POGLUT3: variants seen among roughly 807,000 people sequenced by gnomAD.
The protein encoded by POGLUT3 is protein O-glucosyltransferase 3, also known as KDEL (Lys-Asp-Glu-Leu) containing 2.
A neutral mutation model predicts 54.3 loss-of-function variants in POGLUT3; 48 were observed. The ratio of observed to expected loss-of-function variants is 0.88; its 90% CI spans 0.70 to 1.12. The LOEUF (loss-of-function observed/expected upper bound fraction) is 1.12. POGLUT3 is among the 50% of genes most tolerant of loss of function. POGLUT3 has a pLI of 0.00. For missense variants in POGLUT3, 629 were observed against 618.7 expected, an observed-to-expected ratio of 1.02 and a Z score of -0.18; for synonymous variants, 218 against 237.4, an observed-to-expected ratio of 0.92 and a Z score of 0.75.
Position 108,486,461 on chromosome 11 carries a change from A to G in POGLUT3, c.401-21T>C, listed in dbSNP as rs1645386374. 4 of 1,609,134 alleles carry G rather than the reference A, an allele frequency of 2.5e-6. No individual in the cohort carries two copies. The East Asian group carries it at 8.9e-5, about 36-fold the overall frequency. ...TGGTCCTAGGGAAGGAAAACATGAA[A>G]AAGGCCGCACTCCATTAGCAAGCAC... is the stretch of plus-strand genomic sequence containing the variant. On this transcript the variant is annotated intron_variant, in intron 2 of 7. Coordinates refer to ENST00000323468, the MANE Select transcript of POGLUT3 (RefSeq NM_153705.5).
At chr11:108,496,896 A>G (rs2093623215) in intron 1 of POGLUT3, among the ~76,000 whole-genome samples, 1 of 152,156 alleles carries the variant, frequency 6.6e-6, no homozygotes, top group Non-Finnish European at 1.5e-5. Flanking sequence ...AAATTACAGT[A>G]CTTATTTTCC....
chr11:108,479,525 C>CT, intron 5 of POGLUT3, 30 bp from the exon 6 acceptor site: 1 of 1,523,220 alleles, frequency 6.6e-7, no homozygotes, highest in East Asian at 2.3e-5. Context: ...CATAAACAAA[C>CT]TTTCAGTAGT....
At chr11:108,484,390 A>T (rs1452602997) in intron 3 of POGLUT3, among the ~76,000 whole-genome samples, 1 of 152,174 alleles carries the variant, frequency 6.6e-6, no homozygotes, top group African/African-American at 2.4e-5. Context: ...ACTGCTATTT[A>T]AAGTAAGAAC....
intron 7 of POGLUT3, 87 bp from the exon 8 acceptor site, chr11:108,475,039 C>T: frequency 7.2e-7 from 1 of 1,394,478 alleles, no homozygotes; most frequent in Non-Finnish European, 9.9e-7. Context: ...GCAGTCACGC[C>T]ATCTTTTCTA....
Position 108,482,004 on chromosome 11 carries a change from A to T in POGLUT3, c.901+2T>A, listed in dbSNP as rs764107742. The T allele has an allele frequency of 2.5e-6, 4 of 1,605,844 alleles. No homozygotes were observed. The Admixed American group carries it at 6.7e-5, about 27-fold the overall frequency. ...TAATTAGCCTTGCATTTCCCTGAAT[A>T]CCTGTATTTCCCTGAATAGAGAGGA... On this transcript the variant is annotated splice_donor_variant, in intron 4 of 7. Transcript: ENST00000323468. LOFTEE classifies it high-confidence loss of function.
rs373889139 is a variant in POGLUT3 at position 108,490,980 on chromosome 11, A to G, written c.390T>C (p.Tyr130=). ...YGDEHVAQSP[Y]ILKGPVYHEY... ...ATAATAATCACTTACCTTTCAAAAT[A>G]TAGGGAGACTGAGCCACATGTTCAT... The change falls in exon 2 of 8, where the codon TAT becomes TAC. Residue 130 remains tyrosine, a synonymous_variant. Transcript: ENST00000323468. 23 of 1,613,622 alleles carry G rather than the reference A, an allele frequency of 1.4e-5. No individual in the cohort carries two copies. The African/African-American group carries it at 2.3e-4, about 16-fold the overall frequency.
chr11:108,477,141 C>T (rs918599514), intron 7 of POGLUT3, among the ~76,000 whole-genome samples: 2 of 152,174 alleles, frequency 1.3e-5, no homozygotes, highest in Non-Finnish European at 2.9e-5. Flanking sequence ...GTGGCTCACA[C>T]CTGTATCCCA....
In POGLUT3 at chr11:108,479,575, C is replaced by T. The variant is rs77000923; in HGVS notation, c.1099-80G>A. 9.7e-4 allele frequency: 933 copies of T among 959,824 alleles called. 11 individuals carry two copies. The African/African-American group carries it at 0.014, about 14-fold the overall frequency. The allele number at this position is 959,824 out of a possible 1,614,324, so 59.5% of individuals were successfully genotyped here. Reference sequence around the variant, plus strand: ...CTGCTCCTCATCAACACTGTAATACCAACTACAGAGGAATTATTTTCCATT... The same window carrying T: ...CTGCTCCTCATCAACACTGTAATACTAACTACAGAGGAATTATTTTCCATT... On this transcript the variant is annotated intron_variant, in intron 5 of 7. Transcript: ENST00000323468.
chr11:108,475,569 G>C (rs1193953225), intron 7 of POGLUT3, among the ~76,000 whole-genome samples: 2 of 145,848 alleles, frequency 1.4e-5, no homozygotes, highest in Non-Finnish European at 3.0e-5. Flanking sequence ...CTAGGCTCAA[G>C]TGATCCTTAC....
At chr11:108,479,883 G>T (rs1032347249) in intron 5 of POGLUT3, among the ~76,000 whole-genome samples, 2 of 151,974 alleles carry the variant, frequency 1.3e-5, no homozygotes, top group Non-Finnish European at 2.9e-5. Context: ...ACCCAGGCTG[G>T]AGTGTAGCGG....
chr11:108,488,279 T>C (rs7104703), intron 2 of POGLUT3, among the ~76,000 whole-genome samples: 151,986 of 152,332 alleles, frequency 1, 75,820 homozygotes, highest in Middle Eastern at 1. Flanking sequence ...CCTGCTTCGG[T>C]CTCCCAAAGT....
rs1565746965 is a variant in POGLUT3, at chr11:108,481,336, T to G, written c.942A>C (p.Arg314Ser). 1 of 1,597,230 alleles carries G rather than the reference T, an allele frequency of 6.3e-7. No homozygotes were observed. The highest frequency in any genetic ancestry group is 1.8e-5 in the Admixed American group (1 of 55,452). The change falls in exon 5 of 8, where the codon AGA (arginine) becomes AGC (serine). Residue 314 changes from arginine (R) to serine (S), a missense_variant. Coordinates refer to ENST00000323468, the MANE Select transcript of POGLUT3 (RefSeq NM_153705.5). ...WINKTERAFF[R>S]GRDSREERLQ... ...GCCTCTCCTCTCGGCTGTCTCTACCTCTGAAGAAAGCTCTCTCTGTTTTAT... is the reference window on the plus strand; with the variant it reads ...GCCTCTCCTCTCGGCTGTCTCTACCGCTGAAGAAAGCTCTCTCTGTTTTAT...
chr11:108,477,145 T>C (rs890592418), intron 7 of POGLUT3, among the ~76,000 whole-genome samples: 3 of 152,114 alleles, frequency 2.0e-5, no homozygotes, highest in Admixed American at 1.3e-4. Flanking sequence ...CTCACACCTG[T>C]ATCCCAGCAC....
At chr11:108,476,613 A>T (rs1247150892) in intron 7 of POGLUT3, among the ~76,000 whole-genome samples, 1 of 152,218 alleles carries the variant, frequency 6.6e-6, no homozygotes. Flanking sequence ...TACTTTTACT[A>T]TGCCTACAGA....
intron 1 of POGLUT3, among the ~76,000 whole-genome samples, chr11:108,493,775 G>T (rs565696502): frequency 1.5e-5 from 2 of 137,020 alleles, no homozygotes; most frequent in South Asian, 4.6e-4. Context: ...CTGCACTCAA[G>T]CCTGGGCAAC....
intron 7 of POGLUT3, among the ~76,000 whole-genome samples, chr11:108,476,452 T>C (rs533777560): frequency 6.6e-6 from 1 of 152,218 alleles, no homozygotes; most frequent in East Asian, 1.9e-4. Context: ...TTAAAAAAAC[T>C]GTTTAACGAT....
At chr11:108,489,477 G>A (rs1436354282) in intron 2 of POGLUT3, among the ~76,000 whole-genome samples, 4 of 152,056 alleles carry the variant, frequency 2.6e-5, no homozygotes, top group African/African-American at 9.7e-5. Context: ...AACCTTAAAA[G>A]CAACACAGAT....
At chr11:108,482,437 T>C (rs1448452774) in intron 3 of POGLUT3, among the ~76,000 whole-genome samples, 2 of 152,128 alleles carry the variant, frequency 1.3e-5, no homozygotes, top group African/African-American at 2.4e-5. Context: ...GTCAGCTACC[T>C]CTGTCCAGAG....
chr11:108,479,555 C>T, intron 5 of POGLUT3, 60 bp from the exon 6 acceptor site: 1 of 1,280,328 alleles, frequency 7.8e-7, no homozygotes. Context: ...CACTTCTGCT[C>T]CTCATCAACA....
Sources: allele counts gnomAD v4.1 joint callset (sites outside exome capture counted in the v4.1 genomes callset), GRCh38; gene constraint gnomAD v4.1.1; transcripts MANE v1.5; gene names NCBI Gene and HGNC (gene_info 2026-07-23, HGNC 2026-07-21).